HSPA12A: variants seen among roughly 807,000 people sequenced by gnomAD.
HSPA12A encodes heat shock 70 kDa protein 12A.
Under a neutral mutation model 69.2 loss-of-function variants are expected in HSPA12A, and 28 were observed. That is an observed-to-expected ratio of 0.40 (90% CI 0.30 to 0.55). HSPA12A has a LOEUF of 0.55. Among genes scored for constraint, HSPA12A ranks in the 20% least tolerant of loss-of-function variants. The probability of loss-of-function intolerance (pLI) is 0.38; values close to 1 mark genes in which losing one functional copy is unlikely to be tolerated. For synonymous variants in HSPA12A, 345 were observed against 370.5 expected, an observed-to-expected ratio of 0.93 and a Z score of 0.79; for missense variants, 686 against 900.7, an observed-to-expected ratio of 0.76 and a Z score of 3.05.
At chr10:116,729,455 C>T (rs1180312996) in intron 1 of HSPA12A, among the ~76,000 whole-genome samples, 1 of 152,182 alleles carries the variant, frequency 6.6e-6, no homozygotes, top group Non-Finnish European at 1.5e-5. Flanking sequence ...CTTTGAACGA[C>T]ATGAGGGTTA....
intron 1 of HSPA12A, among the ~76,000 whole-genome samples, chr10:116,847,635 T>C (rs1179221689): frequency 1.3e-5 from 2 of 152,248 alleles, no homozygotes; most frequent in Non-Finnish European, 2.9e-5. Flanking sequence ...TAAGTACTTA[T>C]TAACCATTTA....
chr10:116,798,804 T>C (rs1336205243), intron 2 of HSPA12A, among the ~76,000 whole-genome samples: 4 of 152,168 alleles, frequency 2.6e-5, no homozygotes, highest in African/African-American at 9.7e-5. Flanking sequence ...TTGGCCCACC[T>C]CTTTGAACTG....
chr10:116,725,445 T>C (rs538922722), intron 1 of HSPA12A, among the ~76,000 whole-genome samples: 22 of 152,250 alleles, frequency 1.4e-4, no homozygotes, highest in African/African-American at 5.3e-4. Context: ...GAAGCTGGCA[T>C]GGCAGTGTGC....
chr10:116,809,444 C>T (rs1564826771), intron 2 of HSPA12A, among the ~76,000 whole-genome samples: 1 of 152,274 alleles, frequency 6.6e-6, no homozygotes, highest in South Asian at 2.1e-4. Flanking sequence ...TTCTCAAAGC[C>T]TTAGTTTCCT....
upstream of HSPA12A, among the ~76,000 whole-genome samples, chr10:116,743,384 G>A (rs1173142992): frequency 1.3e-5 from 2 of 152,242 alleles, no homozygotes; most frequent in African/African-American, 4.8e-5. Context: ...CCCTGCCTTG[G>A]CAAACGAGGG....
At chr10:116,733,434 C>G (rs117448928) in intron 1 of HSPA12A, among the ~76,000 whole-genome samples, 103 of 152,266 alleles carry the variant, frequency 6.8e-4, no homozygotes, top group Admixed American at 2.2e-3. Context: ...CACAGAGAAA[C>G]CAATAAGATC....
chr10:116,727,813 AATGGCAC>A (rs1411866170), intron 1 of HSPA12A, among the ~76,000 whole-genome samples: 9 of 141,006 alleles, frequency 6.4e-5, no homozygotes, highest in Non-Finnish European at 1.4e-4. Context: ...GCTGGGGTGC[AATGGCAC>A]AATCTCAGCT....
In HSPA12A at chr10:116,840,438, C is replaced by A. The variant is rs542063995; in HGVS notation, c.4-5416G>T. On this transcript the variant is annotated intron_variant, in intron 1 of 12. Coordinates refer to the HSPA12A transcript ENST00000635765. ...AAGTTATAGTCCTTTGTTCTTACCC[C>A]AAAAAAACATAGCCTTTGATTTTGT... Among the ~76,000 whole-genome samples the A allele has an allele frequency of 1.4e-4, 21 of 151,976 alleles. No homozygotes were observed. In the South Asian group the frequency reaches 1.5e-3, roughly 11 times the overall value.
At chr10:116,796,608 A>G (rs907101240) in intron 2 of HSPA12A, among the ~76,000 whole-genome samples, 2 of 152,130 alleles carry the variant, frequency 1.3e-5, no homozygotes, top group African/African-American at 4.8e-5. Context: ...CTTCTCCAAA[A>G]GTTTCGTTTA....
intron 1 of HSPA12A, among the ~76,000 whole-genome samples, chr10:116,847,167 G>T (rs1340268850): frequency 1.3e-5 from 2 of 152,132 alleles, no homozygotes; most frequent in African/African-American, 4.8e-5. Flanking sequence ...ATGACGCACT[G>T]ATCCTATTTC....
At chr10:116,716,831 T>C (rs1454584579) in intron 1 of HSPA12A, among the ~76,000 whole-genome samples, 1 of 152,072 alleles carries the variant, frequency 6.6e-6, no homozygotes, top group African/African-American at 2.4e-5. Context: ...CCCCCGTCAC[T>C]CTGTTATCAA....
rs571745918 is a variant in HSPA12A, at chr10:116,815,446, G to A, written c.91+19489C>T. Reference sequence around the variant, plus strand: ...AAAAATTAGCCAGGTGTGGTGGTGCGTGCCCGTAGCCCCAGCTACTCAGGA... The same window carrying A: ...AAAAATTAGCCAGGTGTGGTGGTGCATGCCCGTAGCCCCAGCTACTCAGGA... On this transcript the variant is annotated intron_variant, in intron 2 of 12. Coordinates refer to the HSPA12A transcript ENST00000635765. 3.7e-4 allele frequency among the ~76,000 whole-genome samples: 56 copies of A among 152,094 alleles called. 1 individual carries two copies. Among genetic ancestry groups the A allele is most frequent in the African/African-American group, 1.2e-3 (48 of 41,488 alleles).
In HSPA12A at chr10:116,707,301, A is replaced by G. The variant is rs1564789015; in HGVS notation, c.41-16T>C. 6.2e-7 allele frequency: 1 copy of G among 1,600,008 alleles called. No homozygotes were observed. Among genetic ancestry groups the G allele is most frequent in the Non-Finnish European group, 8.5e-7 (1 of 1,171,618 alleles). ...GGAGCCGTTTCTGAAAGGAAAAACA[A>G]AGCCGCCTCCTTAGAAGTGGCATGG... On this transcript the variant is annotated splice_polypyrimidine_tract_variant and intron_variant, in intron 1 of 11. Transcript: ENST00000369209.
intron 2 of HSPA12A, among the ~76,000 whole-genome samples, chr10:116,773,111 C>A (rs1844250801): frequency 6.6e-6 from 1 of 152,132 alleles, no homozygotes; most frequent in African/African-American, 2.4e-5. Flanking sequence ...GCCCCAGCTG[C>A]TCCCGTTGAC....
At chr10:116,820,661 T>G (rs147705552) in intron 2 of HSPA12A, among the ~76,000 whole-genome samples, 8 of 152,168 alleles carry the variant, frequency 5.3e-5, no homozygotes, top group Non-Finnish European at 8.8e-5. Flanking sequence ...GCCCCAGGCT[T>G]TAGTCCTCAG....
chr10:116,711,300 T>A (rs1426503849), intron 1 of HSPA12A, among the ~76,000 whole-genome samples: 7 of 152,090 alleles, frequency 4.6e-5, no homozygotes, highest in Admixed American at 3.3e-4. Context: ...TTGGACACAC[T>A]AGGAACAGAA....
intron 5 of HSPA12A, among the ~76,000 whole-genome samples, 184 bp from the exon 6 acceptor site, chr10:116,692,651 C>G (rs1849770036): frequency 6.6e-6 from 1 of 152,204 alleles, no homozygotes; most frequent in African/African-American, 2.4e-5. Flanking sequence ...AAGCCGGGAG[C>G]TCTAGCCCCT....
chr10:116,721,445 G>A (rs1850773571), intron 1 of HSPA12A, among the ~76,000 whole-genome samples: 1 of 152,166 alleles, frequency 6.6e-6, no homozygotes, highest in Non-Finnish European at 1.5e-5. Context: ...CCAGCAGGGT[G>A]CCCCCTCTAT....
intron 1 of HSPA12A, among the ~76,000 whole-genome samples, chr10:116,842,056 C>T (rs1845810483): frequency 6.6e-6 from 1 of 152,182 alleles, no homozygotes; most frequent in African/African-American, 2.4e-5. Flanking sequence ...AAGGCAGAGG[C>T]AGTCTTTTGA....
Sources: allele counts gnomAD v4.1 joint callset (sites outside exome capture counted in the v4.1 genomes callset), GRCh38; gene constraint gnomAD v4.1.1; transcripts MANE v1.5; gene names NCBI Gene and HGNC (gene_info 2026-07-23, HGNC 2026-07-21).